The following ACOX3 variants were observed in gnomAD, a reference collection of about 807,000 sequenced individuals.
ACOX3 encodes acyl-CoA oxidase 3, pristanoyl.
ACOX3 carries 73 observed loss-of-function variants against 81.5 expected under a neutral mutation model. The ratio of observed to expected loss-of-function variants is 0.90; its 90% CI spans 0.74 to 1.09. ACOX3 has a LOEUF of 1.09. ACOX3 is among the 50% of genes least tolerant of loss of function. The pLI, the probability that ACOX3 is intolerant of heterozygous loss-of-function variation, is 0.00. For synonymous variants in ACOX3, 387 were observed against 375.1 expected, an observed-to-expected ratio of 1.03 and a Z score of -0.37; for missense variants, 947 against 928.0, an observed-to-expected ratio of 1.02 and a Z score of -0.27.
chr4:8,423,017 C>T lies in ACOX3; in HGVS notation c.-14-6482G>A, dbSNP rs189063420. On this transcript the variant is annotated intron_variant, in intron 1 of 17. Coordinates refer to ENST00000356406, the MANE Select transcript of ACOX3 (RefSeq NM_003501.3). This position sits in a 1 kb window ranked among gnomAD's most constrained non-coding sequence, Gnocchi z 4.2. ...CAGGACTGAGGGTGCCCGGGGCAAG[C>T]GCCAGCCCATGCCCCAGGTATGCTT... is the stretch of plus-strand genomic sequence containing the variant. Among the ~76,000 whole-genome samples, 4 of 152,310 alleles carry T rather than the reference C, an allele frequency of 2.6e-5. No homozygotes were observed. The highest frequency in any genetic ancestry group is 2.0e-4 in the Admixed American group (3 of 15,304).
rs577136160 is a variant in ACOX3, at chr4:8,399,183, G to C, written c.873+373C>G. On this transcript the variant is annotated intron_variant, in intron 8 of 17. Coordinates refer to ENST00000356406, the MANE Select transcript of ACOX3 (RefSeq NM_003501.3). This position sits in a 1 kb window ranked among gnomAD's most constrained non-coding sequence, Gnocchi z 4.9. Reference sequence around the variant, plus strand: ...TGCTCTCCGTGAACTTAAGCCAGGCGTGAGTTCTGGACACCGGGGAACTCT... The same window carrying C: ...TGCTCTCCGTGAACTTAAGCCAGGCCTGAGTTCTGGACACCGGGGAACTCT... Among the ~76,000 whole-genome samples, 1 of 152,186 alleles carries C rather than the reference G, an allele frequency of 6.6e-6. No individual in the cohort carries two copies.
At chr4:8,364,703 G>C (rs2108770702), downstream of ACOX3, among the ~76,000 whole-genome samples, 1 of 152,320 alleles carries the variant, frequency 6.6e-6, no homozygotes, top group African/African-American at 2.4e-5. The surrounding 1 kb of genome is among the most constrained non-coding windows in gnomAD (Gnocchi z 5.0). Flanking sequence ...GTTTTTTTCT[G>C]TAAACCTTGA....
intron 1 of ACOX3, among the ~76,000 whole-genome samples, chr4:8,427,438 G>A (rs949588849): frequency 5.3e-5 from 8 of 152,162 alleles, no homozygotes; most frequent in South Asian, 2.1e-4. Context: ...CAGACGCCCC[G>A]CTGACTTCCA....
chr4:8,362,347 A>G (rs1329873772), downstream of ACOX3, among the ~76,000 whole-genome samples: 1 of 152,246 alleles, frequency 6.6e-6, no homozygotes, highest in Admixed American at 6.5e-5. Flanking sequence ...AGTCAAGGAA[A>G]CTTTTCTTTT....
chr4:8,382,823 T>G lies in ACOX3; in HGVS notation c.1538-1216A>C, dbSNP rs970820783. 6.6e-6 allele frequency among the ~76,000 whole-genome samples: 1 copy of G among 151,500 alleles called. No individual in the cohort carries two copies. The highest frequency in any genetic ancestry group is 1.5e-5 in the Non-Finnish European group (1 of 67,884). ...CTGGCTAACACGGTGAAACCCCGTC[T>G]CTACTAAAAATACAAAAAATTAGCC... On this transcript the variant is annotated intron_variant, in intron 13 of 17. Transcript: ENST00000356406. This position sits in a 1 kb window ranked among gnomAD's most constrained non-coding sequence, Gnocchi z 4.1.
Position 8,416,284 on chromosome 4 carries a change from G to A in ACOX3, c.144+94C>T, listed in dbSNP as rs1722324884. 1.2e-6 allele frequency: 2 copies of A among 1,603,034 alleles called. No individual in the cohort carries two copies. The highest frequency in any genetic ancestry group is 3.3e-5 in the Admixed American group (2 of 59,884). On this transcript the variant is annotated intron_variant, in intron 2 of 17. Coordinates refer to ENST00000356406, the MANE Select transcript of ACOX3 (RefSeq NM_003501.3). The surrounding 1 kb of genome is among the most constrained non-coding windows in gnomAD (Gnocchi z 4.2). ...TGCCTGGGATGAGCCTCGCCCGGCA[G>A]AGGAGGAGCTGTGAGAGCCAGAAAT... is the stretch of plus-strand genomic sequence containing the variant.
rs1718195094 is a variant in ACOX3, at chr4:8,385,470, A to G, written c.1537+3703T>C. On this transcript the variant is annotated intron_variant, in intron 13 of 17. Coordinates refer to ENST00000356406, the MANE Select transcript of ACOX3 (RefSeq NM_003501.3). The surrounding 1 kb of genome is among the most constrained non-coding windows in gnomAD (Gnocchi z 5.5). ...CAGTCCACAAATACACACGTGTCCG[A>G]GTAGTGAACACTGCAACTGCTTACT... 6.6e-6 allele frequency among the ~76,000 whole-genome samples: 1 copy of G among 152,260 alleles called. No homozygotes were observed. Among genetic ancestry groups the G allele is most frequent in the Admixed American group, 6.5e-5 (1 of 15,290 alleles).
intron 10 of ACOX3, among the ~76,000 whole-genome samples, 196 bp from the exon 11 acceptor site, chr4:8,392,649 C>A (rs11934603): frequency 2.0e-5 from 3 of 152,072 alleles, no homozygotes; most frequent in African/African-American, 7.3e-5. Context: ...CACTGTGGTA[C>A]GCTCATACCA....
chr4:8,363,885 G>A (rs1217907850), downstream of ACOX3, among the ~76,000 whole-genome samples: 1 of 152,086 alleles, frequency 6.6e-6, no homozygotes, highest in Non-Finnish European at 1.5e-5. Flanking sequence ...TACCCTACAA[G>A]GTCTAAAACA....
Position 8,394,892 on chromosome 4 carries a change from A to G in ACOX3, c.1057-150T>C, listed in dbSNP as rs534921995. 29 of 1,091,776 alleles carry G rather than the reference A, an allele frequency of 2.7e-5. No individual in the cohort carries two copies. The African/African-American group carries it at 4.5e-4, about 17-fold the overall frequency. 67.6% of individuals were successfully genotyped at this position (1,091,776 alleles called of 1,614,324 possible). ...TCTTCACATGTCTTCCCGGCACATC[A>G]GAAAGCCTTCACCCTGACACGCTCT... On this transcript the variant is annotated intron_variant, in intron 9 of 17. Transcript: ENST00000356406. The surrounding 1 kb of genome is among the most constrained non-coding windows in gnomAD (Gnocchi z 5.9).
At chr4:8,392,256 A>T in intron 11 of ACOX3, 77 bp downstream of exon 11, 1 of 1,357,062 alleles carries the variant, frequency 7.4e-7, no homozygotes, top group Non-Finnish European at 9.6e-7. Context: ...CTCAGGCCGC[A>T]GTCTGCCGAC....
At chr4:8,425,355 C>G (rs1404902026) in intron 1 of ACOX3, among the ~76,000 whole-genome samples, 1 of 151,990 alleles carries the variant, frequency 6.6e-6, no homozygotes, top group Non-Finnish European at 1.5e-5. Flanking sequence ...GATGGGGAAC[C>G]TCACGAGGAC....
intron 17 of ACOX3, among the ~76,000 whole-genome samples, chr4:8,369,912 C>T (rs368872386): frequency 4.6e-5 from 7 of 152,214 alleles, no homozygotes; most frequent in East Asian, 1.9e-4. Flanking sequence ...AGCATTGACA[C>T]GCCGAGTCCC....
Position 8,406,127 on chromosome 4 carries a change from G to A in ACOX3, c.688-84C>T. The A allele has an allele frequency of 7.3e-7, 1 of 1,360,630 alleles. No individual in the cohort carries two copies. The highest frequency in any genetic ancestry group is 1.2e-5 in the South Asian group (1 of 85,974). 84.3% of individuals were successfully genotyped at this position (1,360,630 alleles called of 1,614,324 possible). A position where few individuals can be genotyped will look rare whatever the true frequency, so the allele number is the denominator to read the frequency against. On this transcript the variant is annotated intron_variant, in intron 6 of 17. Transcript: ENST00000356406. The surrounding 1 kb of genome is among the most constrained non-coding windows in gnomAD (Gnocchi z 5.6). ...ACAAATGTGTTCAGAAACCCACAGG[G>A]TGGGCCATGGGCTCAACGCTGGGCG...
At chr4:8,403,509 A>C (rs183870946) in intron 7 of ACOX3, among the ~76,000 whole-genome samples, 3 of 152,312 alleles carry the variant, frequency 2.0e-5, no homozygotes, top group Admixed American at 2.0e-4. Context: ...ATCCCACTGC[A>C]TCCCTGTCAC....
chr4:8,439,795 T>C (rs1178042339), intron 1 of ACOX3, among the ~76,000 whole-genome samples: 1 of 151,936 alleles, frequency 6.6e-6, no homozygotes, highest in African/African-American at 2.4e-5. Flanking sequence ...AAAGTAAAAA[T>C]AAAAGCGAGA....
chr4:8,355,350 A>G, the ACOX3 span: 2 of 152,262 alleles, frequency 1.3e-5, no homozygotes, highest in African/African-American at 4.8e-5. Flanking sequence ...TCCAACAGAT[A>G]TTAAAAGTAT....
At chr4:8,429,771 T>G (rs1346354904) in intron 1 of ACOX3, among the ~76,000 whole-genome samples, 1 of 152,142 alleles carries the variant, frequency 6.6e-6, no homozygotes, top group East Asian at 1.9e-4. Flanking sequence ...ATTTGCCATG[T>G]AAAGAACAAG....
intron 6 of ACOX3, among the ~76,000 whole-genome samples, chr4:8,408,893 GGGGGGGGGGGT>G (rs1272604877): frequency 4.8e-4 from 5 of 10,324 alleles, no homozygotes; most frequent in East Asian, 0.01. Context: ...GCCCTCACTG[GGGGGGGGGGGT>G]GGGGGGGGGG....
Sources: allele counts gnomAD v4.1 joint callset (sites outside exome capture counted in the v4.1 genomes callset), GRCh38; gene constraint gnomAD v4.1.1; non-coding constraint Gnocchi (gnomAD v3.1); transcripts MANE v1.5; gene names NCBI Gene and HGNC (gene_info 2026-07-23, HGNC 2026-07-21).